The following SDK1 variants were observed in gnomAD, a reference collection of about 807,000 sequenced individuals.
SDK1 encodes the protein protein sidekick-1.
A neutral mutation model predicts 245.5 loss-of-function variants in SDK1; 157 were observed. That is an observed-to-expected ratio of 0.64 (90% confidence interval 0.56 to 0.73). The LOEUF is 0.73. Among genes scored for constraint, SDK1 ranks in the 30% least tolerant of loss-of-function variants. The probability of loss-of-function intolerance (pLI) is 0.00; values close to 1 mark genes in which losing one functional copy is unlikely to be tolerated. For missense variants in SDK1, 3,583 were observed against 3,002.3 expected, an observed-to-expected ratio of 1.19 and a Z score of -4.52; for synonymous variants, 1,647 against 1,278.5, an observed-to-expected ratio of 1.29 and a Z score of -6.15.
chr7:3,967,321 T>C lies in SDK1; in HGVS notation c.1433T>C (p.Ile478Thr), dbSNP rs756282581. 16 of 1,612,482 alleles carry C rather than the reference T, an allele frequency of 9.9e-6. No individual in the cohort carries two copies. The East Asian group carries it at 3.3e-4, about 34-fold the overall frequency. ...QTHTYLDVTN[I>T]APVFTQRPVD... Reference sequence around the variant, plus strand: ...TTTCATTTACTCCTCTTCTCAGATATCGCTCCAGTGTTCACCCAGCGGCCA... The same window carrying C: ...TTTCATTTACTCCTCTTCTCAGATACCGCTCCAGTGTTCACCCAGCGGCCA... Residue 478 changes from isoleucine to threonine, a missense_variant, in exon 10 of 45, where the codon ATC becomes ACC. Coordinates refer to ENST00000404826, the MANE Select transcript of SDK1 (RefSeq NM_152744.4).
chr7:4,074,609 C>G (rs1171682206), intron 20 of SDK1, among the ~76,000 whole-genome samples: 1 of 151,934 alleles, frequency 6.6e-6, no homozygotes, highest in Non-Finnish European at 1.5e-5. Flanking sequence ...GGCTGTAATC[C>G]TAGCATTTTG....
At chr7:3,349,351 TACTCATCTG>T (rs1342605069) in intron 1 of SDK1, among the ~76,000 whole-genome samples, 1 of 151,656 alleles carries the variant, frequency 6.6e-6, no homozygotes, top group African/African-American at 2.4e-5. Context: ...TTCTTGGAGT[TACTCATCTG>T]AAAAAGAAGC....
At chr7:4,034,364 G>A (rs865812426) in intron 17 of SDK1, among the ~76,000 whole-genome samples, 1 of 152,136 alleles carries the variant, frequency 6.6e-6, no homozygotes, top group Non-Finnish European at 1.5e-5. Context: ...TGTCAATGCC[G>A]ACGTCCCGGT....
chr7:3,343,571 A>C (rs926198357), intron 1 of SDK1, among the ~76,000 whole-genome samples: 1 of 152,190 alleles, frequency 6.6e-6, no homozygotes, highest in Non-Finnish European at 1.5e-5. Context: ...GAAATACTCT[A>C]TCTTGGCTGT....
chr7:3,765,601 T>C (rs2114994408), intron 4 of SDK1, among the ~76,000 whole-genome samples: 1 of 152,340 alleles, frequency 6.6e-6, no homozygotes, highest in East Asian at 1.9e-4. Flanking sequence ...GCTTTTAATC[T>C]TCTACTATTT....
At chr7:4,132,653 A>C in intron 28 of SDK1, 1 of 429,134 alleles carries the variant, frequency 2.3e-6, no homozygotes, top group Non-Finnish European at 4.4e-6. Context: ...GCTTGAGCCC[A>C]GGAGGTTGAG....
intron 1 of SDK1, among the ~76,000 whole-genome samples, chr7:3,545,507 T>C (rs1779193617): frequency 6.6e-6 from 1 of 152,208 alleles, no homozygotes; most frequent in Admixed American, 6.5e-5. Context: ...AATGCAAATA[T>C]TTATCTGCGT....
chr7:3,563,540 A>G (rs909210523), intron 1 of SDK1, among the ~76,000 whole-genome samples: 6 of 152,338 alleles, frequency 3.9e-5, no homozygotes, highest in East Asian at 1.9e-4. Flanking sequence ...GTAATCTGCA[A>G]TATAGTTTGA....
At chr7:3,735,982 C>T (rs540464824) in intron 4 of SDK1, among the ~76,000 whole-genome samples, 3 of 152,092 alleles carry the variant, frequency 2.0e-5, no homozygotes, top group African/African-American at 4.8e-5. Flanking sequence ...CTTTTGTAAA[C>T]CTTCTTTGGA....
At chr7:3,554,277 A>C (rs1395540690) in intron 1 of SDK1, among the ~76,000 whole-genome samples, 1 of 152,332 alleles carries the variant, frequency 6.6e-6, no homozygotes, top group Admixed American at 6.5e-5. Context: ...GTCTATTAGA[A>C]ATCAGTAACA....
At chr7:4,049,544 T>C (rs1235690088) in intron 18 of SDK1, 81 bp downstream of exon 18, 2 of 1,044,300 alleles carry the variant, frequency 1.9e-6, no homozygotes, top group Non-Finnish European at 3.0e-6. Flanking sequence ...GCACCCCCTC[T>C]TGTGTATCAA....
At chr7:4,261,712 G>A (rs182675670) in intron 44 of SDK1, among the ~76,000 whole-genome samples, 1 of 152,268 alleles carries the variant, frequency 6.6e-6, no homozygotes, top group East Asian at 1.9e-4. Context: ...GCATTTCAAG[G>A]CCGCTCACTC....
At chr7:3,314,049 G>T (rs969143323) in intron 1 of SDK1, among the ~76,000 whole-genome samples, 2 of 152,110 alleles carry the variant, frequency 1.3e-5, no homozygotes, top group East Asian at 1.9e-4. Context: ...TAGTTTATTA[G>T]GGCATACACA....
intron 1 of SDK1, among the ~76,000 whole-genome samples, chr7:3,503,958 T>G (rs1450934333): frequency 6.6e-6 from 1 of 151,878 alleles, no homozygotes; most frequent in Non-Finnish European, 1.5e-5. Context: ...GAGACCAACT[T>G]GACCAACATG....
chr7:3,347,449 A>AAC (rs1780539268), intron 1 of SDK1, among the ~76,000 whole-genome samples: 1 of 152,148 alleles, frequency 6.6e-6, no homozygotes, highest in Admixed American at 6.5e-5. Flanking sequence ...GTTGGAACAA[A>AAC]ATAACTTTTC....
intron 34 of SDK1, among the ~76,000 whole-genome samples, chr7:4,176,679 CT>C (rs1303905210): frequency 6.6e-6 from 1 of 152,210 alleles, no homozygotes; most frequent in Non-Finnish European, 1.5e-5. Context: ...CCACATTCAA[CT>C]TTCTGTCTCG....
chr7:3,347,585 T>C (rs1780543411), intron 1 of SDK1, among the ~76,000 whole-genome samples: 1 of 152,218 alleles, frequency 6.6e-6, no homozygotes, highest in African/African-American at 2.4e-5. Context: ...GACCAATTTT[T>C]AGGGCCAGAG....
At chr7:3,947,498 A>C (rs557524163) in intron 5 of SDK1, among the ~76,000 whole-genome samples, 2 of 149,618 alleles carry the variant, frequency 1.3e-5, no homozygotes, top group East Asian at 3.9e-4. Flanking sequence ...CGGGATTTCT[A>C]ATTGCCTTTC....
At chr7:3,761,260 C>CTTTTTTTTTT (rs71029692) in intron 4 of SDK1, among the ~76,000 whole-genome samples, 8 of 93,730 alleles carry the variant, frequency 8.5e-5, no homozygotes, top group Non-Finnish European at 1.2e-4. Context: ...GCCCCCCCTC[C>CTTTTTTTTTT]TTTTTTTTTT....
Sources: allele counts gnomAD v4.1 joint callset (sites outside exome capture counted in the v4.1 genomes callset), GRCh38; gene constraint gnomAD v4.1.1; transcripts MANE v1.5; gene names NCBI Gene and HGNC (gene_info 2026-07-23, HGNC 2026-07-21).